HGD: variants seen among roughly 807,000 people sequenced by gnomAD.
HGD encodes homogentisate 1,2-dioxygenase.
In HGD, 61 loss-of-function variants were observed where a neutral mutation model predicts 60.8. The ratio of observed to expected loss-of-function variants is 1.00; its 90% CI spans 0.82 to 1.24. The LOEUF (loss-of-function observed/expected upper bound fraction) is 1.24, where lower values mean the gene tolerates loss of function less well. HGD is among the 50% of genes most tolerant of loss of function. The pLI is 0.00. For missense variants in HGD, 542 were observed against 547.1 expected, an observed-to-expected ratio of 0.99 and a Z score of 0.09; for synonymous variants, 212 against 187.7, an observed-to-expected ratio of 1.13 and a Z score of -1.06.
chr3:120,650,634 T>C (rs1941308269), intron 6 of HGD, 140 bp downstream of exon 6: 2 of 728,798 alleles, frequency 2.7e-6, no homozygotes, highest in East Asian at 5.1e-5. Context: ...TATATGAATA[T>C]TGCCTTGAGG....
intron 1 of HGD, among the ~76,000 whole-genome samples, chr3:120,679,087 A>T (rs1371978344): frequency 6.6e-6 from 1 of 152,256 alleles, no homozygotes; most frequent in East Asian, 1.9e-4. Context: ...AATTATATGC[A>T]TACTTTCTAA....
intron 4 of HGD, among the ~76,000 whole-genome samples, chr3:120,655,730 G>A (rs944827932): frequency 1.3e-5 from 2 of 152,208 alleles, no homozygotes; most frequent in African/African-American, 4.8e-5. Flanking sequence ...GTAACTCTCT[G>A]AGCCAAGGCC....
chr3:120,675,022 C>T (rs372518554), intron 2 of HGD, 33 bp from the exon 3 acceptor site: 2 of 1,476,650 alleles, frequency 1.4e-6, no homozygotes, highest in Non-Finnish European at 9.5e-7. Context: ...CAATATTACT[C>T]CCATCCGAAA....
chr3:120,655,285 G>T (rs1941460884), intron 4 of HGD, among the ~76,000 whole-genome samples: 1 of 152,136 alleles, frequency 6.6e-6, no homozygotes. Context: ...AGAACAGAGA[G>T]CCTGAGGTGG....
chr3:120,674,459 G>A (rs112331122), intron 3 of HGD: 9,904 of 197,662 alleles, frequency 0.05, 936 homozygotes, highest in African/African-American at 0.21. Flanking sequence ...TCCAAACTTC[G>A]TTTACCCAAC....
At chr3:120,674,383 G>A (rs991643453) in intron 3 of HGD, among the ~76,000 whole-genome samples, 4 of 152,144 alleles carry the variant, frequency 2.6e-5, no homozygotes, top group East Asian at 1.9e-4. Context: ...TAGCAAAGGC[G>A]AATACCAGAG....
chr3:120,669,447 G>GCGCACACACA (rs71133515), intron 4 of HGD, among the ~76,000 whole-genome samples: 1 of 145,620 alleles, frequency 6.9e-6, no homozygotes, highest in Non-Finnish European at 1.5e-5. Flanking sequence ...GTGCGCATGT[G>GCGCACACACA]CACACACACA....
chr3:120,638,057 G>A (rs1249084165), intron 12 of HGD, among the ~76,000 whole-genome samples: 1 of 152,140 alleles, frequency 6.6e-6, no homozygotes, highest in East Asian at 1.9e-4. Flanking sequence ...AAGAAGCTGG[G>A]ACTTCCTCCT....
rs747000620 is a variant in HGD, at chr3:120,641,703, A to G, written c.775-10T>C. 6.3e-7 allele frequency: 1 copy of G among 1,578,710 alleles called. No homozygotes were observed. The highest frequency in any genetic ancestry group is 8.7e-7 in the Non-Finnish European group (1 of 1,147,758). Reference sequence around the variant, plus strand: ...TGAACGGGGAGACATCCTAAACACAAAAAGCAGGAAAGGATAATTTTACCA... The same window carrying G: ...TGAACGGGGAGACATCCTAAACACAGAAAGCAGGAAAGGATAATTTTACCA... On this transcript the variant is annotated splice_polypyrimidine_tract_variant and intron_variant, in intron 10 of 13. Transcript: ENST00000283871.
At chr3:120,653,739 C>T (rs928855355) in intron 4 of HGD, among the ~76,000 whole-genome samples, 1 of 152,184 alleles carries the variant, frequency 6.6e-6, no homozygotes, top group Admixed American at 6.5e-5. Flanking sequence ...GGACTAATTT[C>T]ATTAAGGATG....
chr3:120,671,553 G>A (rs534572607), intron 3 of HGD, among the ~76,000 whole-genome samples: 1 of 152,290 alleles, frequency 6.6e-6, no homozygotes, highest in South Asian at 2.1e-4. Flanking sequence ...ATGTAAATTA[G>A]TTCAACCATT....
At chr3:120,676,308 C>G (rs1305401036) in intron 1 of HGD, among the ~76,000 whole-genome samples, 2 of 152,206 alleles carry the variant, frequency 1.3e-5, no homozygotes. Flanking sequence ...TGGAACACAT[C>G]TATATTTGTG....
In HGD at chr3:120,682,188, T is replaced by G. The variant is rs1481108074; in HGVS notation, c.-77A>C. Reference sequence around the variant, plus strand: ...ATAAAGCCACAATGCTTCTTTCTCCTTCAAACCACTCTTTGGATATTCCGG... The same window carrying G: ...ATAAAGCCACAATGCTTCTTTCTCCGTCAAACCACTCTTTGGATATTCCGG... On this transcript the variant is annotated 5_prime_UTR_variant, in exon 1 of 14. Coordinates refer to ENST00000283871, the MANE Select transcript of HGD (RefSeq NM_000187.4). 1 of 1,389,396 alleles carries G rather than the reference T, an allele frequency of 7.2e-7. No homozygotes were observed. Among genetic ancestry groups the G allele is most frequent in the Non-Finnish European group, 1.0e-6 (1 of 975,804 alleles). 86.1% of individuals were successfully genotyped at this position (1,389,396 alleles called of 1,614,324 possible).
Position 120,646,073 on chromosome 3 carries a change from T to A in HGD, c.649+194A>T, listed in dbSNP as rs140967269. Among the ~76,000 whole-genome samples, 1,107 of 152,330 alleles carry A rather than the reference T, an allele frequency of 7.3e-3. 14 individuals carry two copies. The highest frequency in any genetic ancestry group is 0.025 in the African/African-American group (1,045 of 41,584). ...CTGTATACTATTCTAGAGAGATTTATAATGGATTGGTTTGGGTTGCTTTCT... is the reference window on the plus strand; with the variant it reads ...CTGTATACTATTCTAGAGAGATTTAAAATGGATTGGTTTGGGTTGCTTTCT... On this transcript the variant is annotated intron_variant, in intron 9 of 13. Coordinates refer to ENST00000283871, the MANE Select transcript of HGD (RefSeq NM_000187.4).
At position 120,674,897 on chromosome 3, in the gene HGD, G is replaced by C. The variant is rs774088912; in HGVS notation, c.176+4C>G. 6 of 1,595,288 alleles carry C rather than the reference G, an allele frequency of 3.8e-6. No homozygotes were observed. In the South Asian group the frequency reaches 6.6e-5, roughly 18 times the overall value. ...GCAGGTCAGAATTCATCTAATCCTTGTACCTTCTCTTATTGGTGCTCCGTG... is the reference window on the plus strand; with the variant it reads ...GCAGGTCAGAATTCATCTAATCCTTCTACCTTCTCTTATTGGTGCTCCGTG... On this transcript the variant is annotated splice_donor_region_variant and intron_variant, in intron 3 of 13. Transcript: ENST00000283871.
chr3:120,666,335 A>C (rs915411974), intron 4 of HGD, among the ~76,000 whole-genome samples: 3 of 152,122 alleles, frequency 2.0e-5, no homozygotes, highest in Non-Finnish European at 4.4e-5. Context: ...TCAAAACAGA[A>C]GAAAGGCAAC....
At position 120,646,357 on chromosome 3, in the gene HGD, G is replaced by C. The variant is rs756255206; in HGVS notation, c.559C>G (p.Arg187Gly). 5 of 1,607,536 alleles carry C rather than the reference G, an allele frequency of 3.1e-6. No homozygotes were observed. Among genetic ancestry groups the C allele is most frequent in the Non-Finnish European group, 4.3e-6 (5 of 1,174,188 alleles). The change falls in exon 9 of 14, where the codon CGG becomes GGG. Residue 187 changes from arginine (R) to glycine (G), a missense_variant. Physicochemically the swap from Arg to Gly is moderately radical, Grantham distance 125 (BLOSUM62 -2). Coordinates refer to ENST00000283871, the MANE Select transcript of HGD (RefSeq NM_000187.4). The stretch of plus-strand genomic sequence containing the variant: ...TCCTCAAAGACATCTATGCTGAACC[G>C]CATTCCTCTCTGGAATGGAAAGCAG... ...NEICVIQRGMRFSIDVFEETR... is the reference protein window; with the variant it reads ...NEICVIQRGMGFSIDVFEETR...
At chr3:120,661,621 T>C (rs993590671) in intron 4 of HGD, among the ~76,000 whole-genome samples, 6 of 152,264 alleles carry the variant, frequency 3.9e-5, no homozygotes, top group Admixed American at 1.3e-4. Flanking sequence ...TTAACATTCT[T>C]ATATATGGAA....
chr3:120,638,608 C>A (rs375566897), intron 11 of HGD, 27 bp from the exon 12 acceptor site: 3 of 1,613,174 alleles, frequency 1.9e-6, no homozygotes, highest in Non-Finnish European at 2.5e-6. Flanking sequence ...AGAGACTGAA[C>A]GCATGATGCA....
Sources: gnomAD v4.1 joint callset for allele counts (sites outside exome capture counted in the v4.1 genomes callset) on GRCh38, gnomAD v4.1.1 for gene constraint, MANE v1.5 for transcripts, NCBI Gene and HGNC (gene_info 2026-07-23, HGNC 2026-07-21) for gene names.